Variants in ATP1B1 observed in about 807,000 individuals in gnomAD.
The protein encoded by ATP1B1 is sodium/potassium-transporting ATPase subunit beta-1.
Under a neutral mutation model 39.6 loss-of-function variants are expected in ATP1B1, and 3 were observed. The observed-to-expected ratio is 0.08, with a 90% CI of 0.03 to 0.20. The LOEUF (loss-of-function observed/expected upper bound fraction) is 0.20, where lower values mean the gene tolerates loss of function less well. Ranked by LOEUF, ATP1B1 falls within the 10% of genes least tolerant of loss-of-function variation. ATP1B1 has a pLI of 1.00. For missense variants in ATP1B1, 216 were observed against 371.1 expected, an observed-to-expected ratio of 0.58 and a Z score of 3.43; for synonymous variants, 139 against 135.0, an observed-to-expected ratio of 1.03 and a Z score of -0.20.
chr1:169,107,561 C>T (rs553549322), intron 1 of ATP1B1, among the ~76,000 whole-genome samples: 1 of 152,068 alleles, frequency 6.6e-6, no homozygotes, highest in Admixed American at 6.5e-5. Context: ...TGGCCCGAAA[C>T]CTGGCAAAGT....
intron 1 of ATP1B1, among the ~76,000 whole-genome samples, chr1:169,107,538 C>A (rs1477642449): frequency 1.3e-5 from 2 of 152,068 alleles, no homozygotes; most frequent in East Asian, 3.9e-4. Context: ...TTCAGGACTC[C>A]GATTCTTAGC....
chr1:169,124,303 A>G (rs1426523573), intron 2 of ATP1B1, among the ~76,000 whole-genome samples: 2 of 152,192 alleles, frequency 1.3e-5, no homozygotes, highest in East Asian at 1.9e-4. Context: ...GTATGTCCCA[A>G]ATTCTTCCCG....
intron 2 of ATP1B1, among the ~76,000 whole-genome samples, chr1:169,114,410 T>C (rs1259369789): frequency 2.6e-5 from 4 of 152,182 alleles, no homozygotes; most frequent in Non-Finnish European, 4.4e-5. Context: ...TTACTAATAA[T>C]ATTATCAGCT....
At chr1:169,125,633 C>T (rs1320030530) in intron 3 of ATP1B1, among the ~76,000 whole-genome samples, 1 of 152,174 alleles carries the variant, frequency 6.6e-6, no homozygotes, top group Non-Finnish European at 1.5e-5. Context: ...CTCACTCTTA[C>T]TACCTGGACT....
At chr1:169,129,302 TCA>T (rs1168331758) in intron 4 of ATP1B1, among the ~76,000 whole-genome samples, 1 of 152,204 alleles carries the variant, frequency 6.6e-6, no homozygotes, top group Non-Finnish European at 1.5e-5. Flanking sequence ...AGTATGTTCA[TCA>T]CACTTCTGAG....
intron 5 of ATP1B1, among the ~76,000 whole-genome samples, chr1:169,130,495 A>G (rs1000682994): frequency 6.6e-6 from 1 of 152,192 alleles, no homozygotes; most frequent in Non-Finnish European, 1.5e-5. Context: ...TCTTTTAAAA[A>G]TATTGAAATA....
At position 169,127,354 on chromosome 1, in the gene ATP1B1, G is replaced by T. The variant is rs752700157; in HGVS notation, c.513G>T (p.Glu171Asp). 5 of 1,612,126 alleles carry T rather than the reference G, an allele frequency of 3.1e-6. No individual in the cohort carries two copies. Among genetic ancestry groups the T allele is most frequent in the Non-Finnish European group, 4.2e-6 (5 of 1,179,472 alleles). The stretch of plus-strand genomic sequence containing the variant: ...ATGATGAAACTTATGGCTACAAAGA[G>T]GGCAAACCGTGCATTATTATAAAGC... ...GLNDETYGYK[E>D]GKPCIIIKLN... is the part of the protein sequence containing the mutation. The change falls in exon 4 of 6, where the codon GAG (glutamate) becomes GAT (aspartate). Residue 171 changes from glutamate to aspartate, a missense_variant. By Grantham distance (45) the Glu-to-Asp change is conservative. Transcript: ENST00000367815.
intron 3 of ATP1B1, among the ~76,000 whole-genome samples, chr1:169,126,774 A>G (rs1658096019): frequency 6.6e-6 from 1 of 151,516 alleles, no homozygotes; most frequent in African/African-American, 2.4e-5. Flanking sequence ...ATTCTGACCA[A>G]AAAAAAAACC....
chr1:169,123,118 T>C (rs900387139), intron 2 of ATP1B1, among the ~76,000 whole-genome samples: 2 of 152,198 alleles, frequency 1.3e-5, no homozygotes, highest in African/African-American at 4.8e-5. Context: ...GATGCCTGCT[T>C]CTCAAGCCCT....
chr1:169,119,277 A>G (rs1185168894), intron 2 of ATP1B1, among the ~76,000 whole-genome samples: 1 of 151,662 alleles, frequency 6.6e-6, no homozygotes, highest in African/African-American at 2.4e-5. Context: ...CTGCCTCTTC[A>G]AGTGGCTTTG....
chr1:169,131,295 G>C lies in ATP1B1; in HGVS notation c.652G>C (p.Asp218His). 2 of 1,612,564 alleles carry C rather than the reference G, an allele frequency of 1.2e-6. No individual in the cohort carries two copies. The highest frequency in any genetic ancestry group is 1.7e-6 in the Non-Finnish European group (2 of 1,178,916). ...VLPVQCTGKR[D>H]EDKDKVGNVE... is the part of the protein sequence containing the mutation. ...TTCATTTCATTCTGGATTTCAGCGA[G>C]ATGAAGATAAGGATAAAGTTGGAAA... is the stretch of plus-strand genomic sequence containing the variant. The change falls in exon 6 of 6, where the codon GAT becomes CAT. Residue 218 changes from aspartate (D) to histidine (H), a missense_variant. Asp to His is a moderately conservative substitution (Grantham distance 81, BLOSUM62 -1). Coordinates refer to ENST00000367815, the MANE Select transcript of ATP1B1 (RefSeq NM_001677.4). This position sits in a 1 kb window ranked among gnomAD's most constrained non-coding sequence, Gnocchi z 4.4.
rs1658232303 is a variant in ATP1B1 at position 169,131,965 on chromosome 1, CA to C, written c.*412del. The C allele has an allele frequency of 3.1e-6, 1 of 319,156 alleles. No homozygotes were observed. The allele number at this position is 319,156 out of a possible 1,614,324, so 19.8% of individuals were successfully genotyped here. ...GTATCTGTTTTCTACTTTATGTGAGCAAGGTTTGCTGTCCAAGGTGTAAATA... is the reference window on the plus strand; with the variant it reads ...GTATCTGTTTTCTACTTTATGTGAGCAGGTTTGCTGTCCAAGGTGTAAATA... On this transcript the variant is annotated 3_prime_UTR_variant, in exon 6 of 6. Transcript: ENST00000367815. The surrounding 1 kb of genome is among the most constrained non-coding windows in gnomAD (Gnocchi z 4.4).
chr1:169,118,661 G>A (rs376230085), intron 2 of ATP1B1, among the ~76,000 whole-genome samples: 3 of 152,320 alleles, frequency 2.0e-5, no homozygotes, highest in East Asian at 1.9e-4. Flanking sequence ...GCATACATAT[G>A]TGTGTGTTTA....
intron 2 of ATP1B1, among the ~76,000 whole-genome samples, chr1:169,112,276 G>T (rs952418148): frequency 3.9e-4 from 59 of 152,304 alleles, no homozygotes; most frequent in African/African-American, 1.4e-3. Context: ...AGAGCTATGT[G>T]TGTCCACACC....
At chr1:169,115,718 A>G (rs541597289) in intron 2 of ATP1B1, among the ~76,000 whole-genome samples, 10 of 152,232 alleles carry the variant, frequency 6.6e-5, no homozygotes, top group Non-Finnish European at 1.3e-4. Context: ...AAATTTCCAG[A>G]TATGACAGGG....
At chr1:169,126,412 TC>T (rs1373560891) in intron 3 of ATP1B1, among the ~76,000 whole-genome samples, 1 of 152,252 alleles carries the variant, frequency 6.6e-6, no homozygotes, top group Non-Finnish European at 1.5e-5. Flanking sequence ...TTGGTCTTTT[TC>T]TGGCTTTTAT....
chr1:169,127,181 G>T, intron 3 of ATP1B1, 43 bp from the exon 4 acceptor site: 1 of 1,532,726 alleles, frequency 6.5e-7, no homozygotes, highest in South Asian at 1.3e-5. Flanking sequence ...GAACTGCTAA[G>T]GGAATTGCTG....
At chr1:169,119,076 A>G (rs1040501) in intron 2 of ATP1B1, among the ~76,000 whole-genome samples, 10,837 of 152,284 alleles carry the variant, frequency 0.071, 1,294 homozygotes, top group East Asian at 0.6. Flanking sequence ...CCCTTGTGCT[A>G]TCAACACTTA....
intron 5 of ATP1B1, among the ~76,000 whole-genome samples, chr1:169,130,398 A>AGTT (rs140636765): frequency 6.6e-6 from 1 of 151,622 alleles, no homozygotes; most frequent in African/African-American, 2.4e-5. Context: ...CCACAGAAGT[A>AGTT]CTTTCTGGCC....
Sources: gnomAD v4.1 joint callset for allele counts (sites outside exome capture counted in the v4.1 genomes callset) on GRCh38, gnomAD v4.1.1 for gene constraint, Gnocchi (gnomAD v3.1) non-coding constraint, MANE v1.5 for transcripts, NCBI Gene and HGNC (gene_info 2026-07-23, HGNC 2026-07-21) for gene names.